TNPO2: variants seen among roughly 807,000 people sequenced by gnomAD.
TNPO2 encodes transportin 2, also known as transportin-2.
TNPO2 carries 16 observed loss-of-function variants against 111.1 expected under a neutral mutation model. The ratio of observed to expected loss-of-function variants is 0.14; its 90% CI spans 0.10 to 0.22. TNPO2 has a LOEUF of 0.22. Ranked by LOEUF, TNPO2 falls within the 10% of genes least tolerant of loss-of-function variation. The probability of loss-of-function intolerance (pLI) is 1.00; values close to 1 mark genes in which losing one functional copy is unlikely to be tolerated. For missense variants in TNPO2, 530 were observed against 1,173.7 expected (o/e 0.45, Z 8.01); for synonymous variants, 481 against 475.8 (o/e 1.01, Z -0.14).
chr19:12,718,375 C>T (rs1342210196), intron 5 of TNPO2, among the ~76,000 whole-genome samples: 2 of 152,202 alleles, frequency 1.3e-5, no homozygotes, highest in Admixed American at 1.3e-4. Flanking sequence ...CCACATTGGC[C>T]AGGATGGTCT....
Position 12,719,743 on chromosome 19 carries a change from G to C in TNPO2, c.100-407C>G, listed in dbSNP as rs1183824531. On this transcript the variant is annotated intron_variant, in intron 3 of 25. Coordinates refer to ENST00000425528, the MANE Select transcript of TNPO2 (RefSeq NM_001382241.1). This position sits in a 1 kb window ranked among gnomAD's most constrained non-coding sequence, Gnocchi z 5.0. ...GAACCCAGCAGGTGAAGGTTGCAGT[G>C]AGCCGAGATTGCGCCTCTGCATTCC... Among the ~76,000 whole-genome samples the C allele has an allele frequency of 4.0e-5, 6 of 151,764 alleles. No individual in the cohort carries two copies. Among genetic ancestry groups the C allele is most frequent in the Non-Finnish European group, 8.8e-5 (6 of 67,990 alleles).
At chr19:12,717,416 T>C (rs1222345886) in intron 5 of TNPO2, among the ~76,000 whole-genome samples, 2 of 151,686 alleles carry the variant, frequency 1.3e-5, no homozygotes, top group Non-Finnish European at 2.9e-5. Context: ...GGATTACAGG[T>C]GCCCGCTGCC....
Position 12,701,954 on chromosome 19 carries a change from GT to G in TNPO2, c.2412-104del. ...GTGAGTGGGCCTGGGACATGCATCTGTGGGGGTGGGGCAGGGCAGGGAGTCA... is the reference window on the plus strand; with the variant it reads ...GTGAGTGGGCCTGGGACATGCATCTGGGGGGTGGGGCAGGGCAGGGAGTCA... On this transcript the variant is annotated intron_variant, in intron 22 of 25. Transcript: ENST00000425528. The surrounding 1 kb of genome is among the most constrained non-coding windows in gnomAD (Gnocchi z 5.0). 7.2e-7 allele frequency: 1 copy of G among 1,388,976 alleles called. No homozygotes were observed. Among genetic ancestry groups the G allele is most frequent in the East Asian group, 2.3e-5 (1 of 43,722 alleles). 86.0% of individuals were successfully genotyped at this position (1,388,976 alleles called of 1,614,324 possible).
rs780225060 is a variant in TNPO2 at position 12,711,470 on chromosome 19, C to T, written c.952-9G>A. The T allele has an allele frequency of 7.2e-5, 116 of 1,613,784 alleles. No homozygotes were observed. Among genetic ancestry groups the T allele is most frequent in the Non-Finnish European group, 9.6e-5 (113 of 1,179,844 alleles). On this transcript the variant is annotated splice_polypyrimidine_tract_variant and intron_variant, in intron 11 of 25. Coordinates refer to ENST00000425528, the MANE Select transcript of TNPO2 (RefSeq NM_001382241.1). ...TCCTCCTCCACATCCCCCTGGGGGA[C>T]AGGCAGACTGTTAAGTACTTTGGGG...
intron 10 of TNPO2, 149 bp downstream of exon 10, chr19:12,714,672 C>T (rs1470615745): frequency 6.1e-6 from 4 of 651,866 alleles, no homozygotes; most frequent in Non-Finnish European, 1.1e-5. Context: ...CAAAAAGTGG[C>T]ATTCTTACCA....
chr19:12,701,693 G>A lies in TNPO2; in HGVS notation c.2512-21C>T. The A allele has an allele frequency of 6.2e-7, 1 of 1,613,754 alleles. No homozygotes were observed. Among genetic ancestry groups the A allele is most frequent in the Non-Finnish European group, 8.5e-7 (1 of 1,179,804 alleles). On this transcript the variant is annotated intron_variant, in intron 23 of 25. Transcript: ENST00000425528. This position sits in a 1 kb window ranked among gnomAD's most constrained non-coding sequence, Gnocchi z 5.0. ...AAGTCCTGAAACGTGACGGATCCCAGGTGAGGGGCCGCCCGAGCCCAGCGC... is the reference window on the plus strand; with the variant it reads ...AAGTCCTGAAACGTGACGGATCCCAAGTGAGGGGCCGCCCGAGCCCAGCGC...
Position 12,702,063 on chromosome 19 carries a change from G to A in TNPO2, c.2411+9C>T, listed in dbSNP as rs1568330835. The A allele has an allele frequency of 6.2e-7, 1 of 1,612,614 alleles. No individual in the cohort carries two copies. The highest frequency in any genetic ancestry group is 8.5e-7 in the Non-Finnish European group (1 of 1,179,024). On this transcript the variant is annotated intron_variant, in intron 22 of 25. Coordinates refer to ENST00000425528, the MANE Select transcript of TNPO2 (RefSeq NM_001382241.1). The surrounding 1 kb of genome is among the most constrained non-coding windows in gnomAD (Gnocchi z 5.5). ...CACCACACAGCAGGCTTGACACGTGGACACACACCAAGGCCGGATGAACTG... is the reference window on the plus strand; with the variant it reads ...CACCACACAGCAGGCTTGACACGTGAACACACACCAAGGCCGGATGAACTG...
intron 10 of TNPO2, 105 bp downstream of exon 10, chr19:12,714,716 C>T: frequency 1.1e-6 from 1 of 887,908 alleles, no homozygotes; most frequent in Non-Finnish European, 1.8e-6. Context: ...TGTAAACTGA[C>T]AAGGATGTGG....
In TNPO2 at chr19:12,700,772, T is replaced by C. The variant is rs1038448157; in HGVS notation, c.*492A>G. ...TAACTCAGGGGTTCACTAATTCTAC[T>C]GTCTCCATGCAGTCGGGGAAATGGT... is the stretch of plus-strand genomic sequence containing the variant. On this transcript the variant is annotated 3_prime_UTR_variant, in exon 26 of 26. Transcript: ENST00000425528. 2.0e-5 allele frequency: 3 copies of C among 153,008 alleles called. No homozygotes were observed. Among genetic ancestry groups the C allele is most frequent in the African/African-American group, 7.3e-5 (3 of 41,326 alleles). 9.5% of individuals were successfully genotyped at this position (153,008 alleles called of 1,614,324 possible). A position where few individuals can be genotyped will look rare whatever the true frequency, so the allele number is the denominator to read the frequency against.
rs2026334388 is a variant in TNPO2, at chr19:12,715,860, T to TC, written c.326-122dup. 2.8e-6 allele frequency: 2 copies of TC among 707,902 alleles called. No homozygotes were observed. Among genetic ancestry groups the TC allele is most frequent in the Non-Finnish European group, 4.6e-6 (2 of 431,940 alleles). 43.9% of individuals were successfully genotyped at this position (707,902 alleles called of 1,614,324 possible). A position where few individuals can be genotyped will look rare whatever the true frequency, so the allele number is the denominator to read the frequency against. ...CCCTAGCCCATGTACGCCCTCTACA[T>TC]CCCCCCTCCTTTTTTTTTTCTTTGT... On this transcript the variant is annotated intron_variant, in intron 5 of 25. Transcript: ENST00000425528. This position sits in a 1 kb window ranked among gnomAD's most constrained non-coding sequence, Gnocchi z 7.1.
rs1030763180 is a variant in TNPO2 at position 12,702,514 on chromosome 19, G to A, written c.2305+309C>T. 6 of 526,838 alleles carry A rather than the reference G, an allele frequency of 1.1e-5. No homozygotes were observed. Among genetic ancestry groups the A allele is most frequent in the African/African-American group, 1.9e-5 (1 of 51,826 alleles). 32.6% of individuals were successfully genotyped at this position (526,838 alleles called of 1,614,324 possible). On this transcript the variant is annotated intron_variant, in intron 21 of 25. Coordinates refer to ENST00000425528, the MANE Select transcript of TNPO2 (RefSeq NM_001382241.1). This position sits in a 1 kb window ranked among gnomAD's most constrained non-coding sequence, Gnocchi z 5.5. ...CCCGAGTAGCTGGGATTGCAGGCACGTGCCATTACCCCCGGCTAATTTTTG... is the reference window on the plus strand; with the variant it reads ...CCCGAGTAGCTGGGATTGCAGGCACATGCCATTACCCCCGGCTAATTTTTG...
chr19:12,712,887 C>T (rs1398471526), intron 10 of TNPO2, among the ~76,000 whole-genome samples: 3 of 152,190 alleles, frequency 2.0e-5, no homozygotes, highest in East Asian at 1.9e-4. Context: ...GGAAGAGACC[C>T]ACCGACCCTG....
Position 12,701,394 on chromosome 19 carries a change from T to C in TNPO2, c.2646A>G (p.Gln882=), listed in dbSNP as rs750008391. The C allele has an allele frequency of 1.6e-5, 26 of 1,613,844 alleles. No homozygotes were observed. The highest frequency in any genetic ancestry group is 3.3e-5 in the South Asian group (3 of 91,086). The part of the protein sequence containing the change: ...GEDNWQQFSE[Q]FPPLLKERLA... ...GCCTCTCCTTGAGCAGCGGCGGGAA[T>C]TGCTCAGAGAACTGCTGCCAGTTAT... Residue 882 remains glutamine (Q), a synonymous_variant, in exon 25 of 26, where the codon CAA becomes CAG. Transcript: ENST00000425528. This position sits in a 1 kb window ranked among gnomAD's most constrained non-coding sequence, Gnocchi z 5.0.
chr19:12,701,405 ACTG>A lies in TNPO2; in HGVS notation c.2632_2634del (p.Gln878del). 1 of 1,613,916 alleles carries A rather than the reference ACTG, an allele frequency of 6.2e-7. No individual in the cohort carries two copies. The highest frequency in any genetic ancestry group is 8.5e-7 in the Non-Finnish European group (1 of 1,179,872). ...AGCAGCGGCGGGAATTGCTCAGAGAACTGCTGCCAGTTATCTTCCCCAACTTGG... is the reference window on the plus strand; with the variant it reads ...AGCAGCGGCGGGAATTGCTCAGAGAACTGCCAGTTATCTTCCCCAACTTGG... On this transcript the variant is annotated inframe_deletion, in exon 25 of 26. Transcript: ENST00000425528. This position sits in a 1 kb window ranked among gnomAD's most constrained non-coding sequence, Gnocchi z 5.0.
chr19:12,707,619 G>T (rs2025773134), intron 13 of TNPO2, among the ~76,000 whole-genome samples: 3 of 148,822 alleles, frequency 2.0e-5, no homozygotes, highest in African/African-American at 7.4e-5. Context: ...CTCCCAAGTA[G>T]CTGGGACTGC....
rs1031608366 is a variant in TNPO2 at position 12,723,345 on chromosome 19, T to G, written c.-110A>C. 8.5e-5 allele frequency: 13 copies of G among 152,194 alleles called. No individual in the cohort carries two copies. The highest frequency in any genetic ancestry group is 3.1e-4 in the African/African-American group (13 of 41,444). The allele number at this position is 152,194 out of a possible 1,614,324, so 9.4% of individuals were successfully genotyped here. A position where few individuals can be genotyped will look rare whatever the true frequency, so the allele number is the denominator to read the frequency against. ...TGATCCTTGCGACGTCTGAAGACAG[T>G]AGGGCACCGTTTTTCCTTCTCTTGA... On this transcript the variant is annotated 5_prime_UTR_variant, in exon 2 of 26. Transcript: ENST00000425528.
chr19:12,708,960 G>A (rs532044604), intron 13 of TNPO2, among the ~76,000 whole-genome samples: 60 of 151,854 alleles, frequency 4.0e-4, no homozygotes, highest in Non-Finnish European at 6.6e-4. Context: ...GCTTGAACCC[G>A]GGAGGCAGAA....
In TNPO2 at chr19:12,704,310, A is replaced by G. The variant is rs541885338; in HGVS notation, c.2023-509T>C. ...CTTGAACCCTGGAGGTGAAGGTTGC[A>G]GTGAGCCGAGATCACACCATTGCAC... On this transcript the variant is annotated intron_variant, in intron 18 of 25. Coordinates refer to ENST00000425528, the MANE Select transcript of TNPO2 (RefSeq NM_001382241.1). Among the ~76,000 whole-genome samples, 9 of 150,168 alleles carry G rather than the reference A, an allele frequency of 6.0e-5. No homozygotes were observed. The South Asian group carries it at 2.0e-3, about 33-fold the overall frequency.
In TNPO2 at chr19:12,719,193, G is replaced by GC; in HGVS notation, c.176-16dup. On this transcript the variant is annotated splice_polypyrimidine_tract_variant and intron_variant, in intron 4 of 25. Transcript: ENST00000425528. The surrounding 1 kb of genome is among the most constrained non-coding windows in gnomAD (Gnocchi z 5.0). Reference sequence around the variant, plus strand: ...CGTTGGCTCATCTGGGAGGAGGAAGGCTGAGGTTCAGGGGCCCAGGGGGAG... The same window carrying GC: ...CGTTGGCTCATCTGGGAGGAGGAAGGCCTGAGGTTCAGGGGCCCAGGGGGAG... 1 of 1,613,928 alleles carries GC rather than the reference G, an allele frequency of 6.2e-7. No homozygotes were observed. The highest frequency in any genetic ancestry group is 1.1e-5 in the South Asian group (1 of 91,084).
Sources: gnomAD v4.1 joint callset for allele counts (sites outside exome capture counted in the v4.1 genomes callset) on GRCh38, gnomAD v4.1.1 for gene constraint, Gnocchi (gnomAD v3.1) non-coding constraint, MANE v1.5 for transcripts, NCBI Gene and HGNC (gene_info 2026-07-23, HGNC 2026-07-21) for gene names.